SLC35B4: variants seen among roughly 807,000 people sequenced by gnomAD.
The protein encoded by SLC35B4 is nucleotide sugar transporter SLC35B4.
A neutral mutation model predicts 39.5 loss-of-function variants in SLC35B4; 28 were observed. The ratio of observed to expected loss-of-function variants is 0.71; its 90% confidence interval spans 0.53 to 0.97. The LOEUF is 0.97. Ranked by LOEUF, SLC35B4 falls within the 50% of genes least tolerant of loss-of-function variation. The pLI, the probability that SLC35B4 is intolerant of heterozygous loss-of-function variation, is 0.00. For synonymous variants in SLC35B4, 145 were observed against 150.4 expected, an observed-to-expected ratio of 0.96 and a Z score of 0.26; for missense variants, 334 against 414.3, an observed-to-expected ratio of 0.81 and a Z score of 1.68.
At position 134,299,644 on chromosome 7, in the gene SLC35B4, T is replaced by C. The variant is rs542476696; in HGVS notation, c.598-46A>G. On this transcript the variant is annotated intron_variant, in intron 7 of 9. Transcript: ENST00000378509. The stretch of plus-strand genomic sequence containing the variant: ...GATAAATGTAAGTGCAAAAACATTA[T>C]AGAATAATTAGAGTAGCTTTACAAT... 13 of 1,454,264 alleles carry C rather than the reference T, an allele frequency of 8.9e-6. No individual in the cohort carries two copies. In the Admixed American group the frequency reaches 1.0e-4, roughly 11 times the overall value. 90.1% of individuals were successfully genotyped at this position (1,454,264 alleles called of 1,614,324 possible). A position where few individuals can be genotyped will look rare whatever the true frequency, so the allele number is the denominator to read the frequency against.
chr7:134,309,900 T>C (rs722658), intron 1 of SLC35B4, among the ~76,000 whole-genome samples: 89,434 of 151,994 alleles, frequency 0.59, 26,528 homozygotes, highest in Admixed American at 0.63. Flanking sequence ...GGAATGTTTA[T>C]ATATCCCTCC....
At chr7:134,304,764 G>A (rs1213507377) in intron 4 of SLC35B4, 41 bp downstream of exon 4, 2 of 1,476,440 alleles carry the variant, frequency 1.4e-6, no homozygotes, top group Admixed American at 1.7e-5. Flanking sequence ...GGGGCTCAGG[G>A]TATCATTTCC....
intron 1 of SLC35B4, among the ~76,000 whole-genome samples, chr7:134,316,024 A>G (rs1803965161): frequency 6.6e-6 from 1 of 151,726 alleles, no homozygotes; most frequent in Non-Finnish European, 1.5e-5. Context: ...AGCCACCTCA[A>G]AGAGCACTCT....
At chr7:134,296,153 T>C (rs1353566171) in intron 9 of SLC35B4, among the ~76,000 whole-genome samples, 2 of 152,164 alleles carry the variant, frequency 1.3e-5, no homozygotes, top group East Asian at 3.9e-4. Flanking sequence ...ACTCCTACAC[T>C]TCCACTCAGA....
At chr7:134,301,722 T>G in intron 6 of SLC35B4, 39 bp downstream of exon 6, 1 of 1,578,298 alleles carries the variant, frequency 6.3e-7, no homozygotes, top group South Asian at 1.1e-5. Flanking sequence ...CAAACACAAC[T>G]GCAGAGGCAA....
intron 8 of SLC35B4, among the ~76,000 whole-genome samples, chr7:134,297,403 AG>A (rs1452824818): frequency 6.6e-6 from 1 of 152,214 alleles, no homozygotes; most frequent in Non-Finnish European, 1.5e-5. Flanking sequence ...ATTCAAAGGA[AG>A]AAAAAGGTTC....
chr7:134,317,064 G>T (rs1440056047), upstream of SLC35B4: 2 of 350,508 alleles, frequency 5.7e-6, no homozygotes, highest in Non-Finnish European at 1.0e-5. Context: ...AGGCAGCTCC[G>T]CCAGAGAGGA....
rs1803331830 is a variant in SLC35B4, at chr7:134,291,662, CTG to C, written c.*3169_*3170del. On this transcript the variant is annotated 3_prime_UTR_variant, in exon 10 of 10. Coordinates refer to ENST00000378509, the MANE Select transcript of SLC35B4 (RefSeq NM_032826.5). ...CAAATCAAAATACTGCAGCGTTTCA[CTG>C]TGGTTAACAGGATGGAAAGGAGGAA... is the stretch of plus-strand genomic sequence containing the variant. The C allele has an allele frequency of 6.6e-6, 1 of 152,116 alleles. No homozygotes were observed. The highest frequency in any genetic ancestry group is 2.4e-5 in the African/African-American group (1 of 41,416). The allele number at this position is 152,116 out of a possible 1,614,324, so 9.4% of individuals were successfully genotyped here.
At chr7:134,317,541 C>T (rs1415857368), upstream of SLC35B4, among the ~76,000 whole-genome samples, 1 of 151,690 alleles carries the variant, frequency 6.6e-6, no homozygotes, top group African/African-American at 2.4e-5. Flanking sequence ...AAGGTACTCC[C>T]TTCCTTTACC....
chr7:134,301,489 G>A (rs1585637522), intron 6 of SLC35B4, among the ~76,000 whole-genome samples: 1 of 152,208 alleles, frequency 6.6e-6, no homozygotes, highest in Admixed American at 6.5e-5. Context: ...AGGATGTGAT[G>A]TGCAAGTAGA....
chr7:134,312,948 C>A (rs1803879372), intron 1 of SLC35B4, among the ~76,000 whole-genome samples: 1 of 152,134 alleles, frequency 6.6e-6, no homozygotes, highest in Non-Finnish European at 1.5e-5. Flanking sequence ...ATACTCTATT[C>A]CCATTTTGAG....
chr7:134,318,102 C>T (rs1804035682), upstream of SLC35B4, among the ~76,000 whole-genome samples: 1 of 152,162 alleles, frequency 6.6e-6, no homozygotes, highest in Non-Finnish European at 1.5e-5. Flanking sequence ...GTTTGGAATG[C>T]TTTTTTCCCA....
intron 1 of SLC35B4, among the ~76,000 whole-genome samples, chr7:134,311,577 C>T (rs371308651): frequency 6.6e-6 from 1 of 152,146 alleles, no homozygotes; most frequent in African/African-American, 2.4e-5. Context: ...ATCACTTGAA[C>T]CTGGGAGGTG....
In SLC35B4 at chr7:134,293,368, A is replaced by G. The variant is rs1273764671; in HGVS notation, c.*1465T>C. The G allele has an allele frequency of 5.3e-5, 8 of 152,234 alleles. No homozygotes were observed. The highest frequency in any genetic ancestry group is 1.9e-4 in the African/African-American group (8 of 41,458). 9.4% of individuals were successfully genotyped at this position (152,234 alleles called of 1,614,324 possible). On this transcript the variant is annotated 3_prime_UTR_variant, in exon 10 of 10. Coordinates refer to ENST00000378509, the MANE Select transcript of SLC35B4 (RefSeq NM_032826.5). Reference sequence around the variant, plus strand: ...AGCAACAGCGTTCCTCCTATTCAAGATTGTCCAGTGAAAGGAAAACTGGAC... The same window carrying G: ...AGCAACAGCGTTCCTCCTATTCAAGGTTGTCCAGTGAAAGGAAAACTGGAC...
intron 1 of SLC35B4, among the ~76,000 whole-genome samples, chr7:134,316,335 C>T (rs1231052302): frequency 6.6e-6 from 1 of 152,172 alleles, no homozygotes; most frequent in African/African-American, 2.4e-5. Flanking sequence ...AGCTCTCTGC[C>T]GACCTTGGAC....
intron 9 of SLC35B4, among the ~76,000 whole-genome samples, chr7:134,295,857 TCTCA>T (rs1425579476): frequency 1.3e-5 from 2 of 152,096 alleles, no homozygotes; most frequent in Non-Finnish European, 2.9e-5. Flanking sequence ...TGAGATGGAG[TCTCA>T]CTCTGTTGTC....
At chr7:134,312,436 CAAG>C (rs1185724911) in intron 1 of SLC35B4, among the ~76,000 whole-genome samples, 1 of 151,942 alleles carries the variant, frequency 6.6e-6, no homozygotes, top group African/African-American at 2.4e-5. Flanking sequence ...GATCCCTGCC[CAAG>C]AAGATGACAA....
chr7:134,289,443 C>G lies in SLC35B4; in HGVS notation c.*5390G>C, dbSNP rs940952943. ...GTTTGATATTTACACAGCTCAAAAT[C>G]TGAATACCCACTAATGTCTTGTAGC... On this transcript the variant is annotated 3_prime_UTR_variant, in exon 10 of 10. Coordinates refer to ENST00000378509, the MANE Select transcript of SLC35B4 (RefSeq NM_032826.5). 3.9e-5 allele frequency: 6 copies of G among 152,698 alleles called. No homozygotes were observed. The highest frequency in any genetic ancestry group is 7.3e-5 in the Non-Finnish European group (5 of 68,048). The allele number at this position is 152,698 out of a possible 1,614,324, so 9.5% of individuals were successfully genotyped here.
chr7:134,320,335 A>G (rs967674006), upstream of SLC35B4, among the ~76,000 whole-genome samples: 2 of 152,114 alleles, frequency 1.3e-5, no homozygotes, highest in Admixed American at 1.3e-4. Context: ...CTTGCTCACA[A>G]CATGGTGGAT....
Sources: allele counts gnomAD v4.1 joint callset (sites outside exome capture counted in the v4.1 genomes callset), GRCh38; gene constraint gnomAD v4.1.1; transcripts MANE v1.5; gene names NCBI Gene and HGNC (gene_info 2026-07-23, HGNC 2026-07-21).